Variants in ODR4 observed in about 807,000 individuals in gnomAD.
ODR4 encodes protein odr-4 homolog.
Under a neutral mutation model 60.2 loss-of-function variants are expected in ODR4, and 47 were observed. The ratio of observed to expected loss-of-function variants is 0.78; its 90% confidence interval spans 0.62 to 1.00. ODR4 has a LOEUF of 1.00. ODR4 is among the 50% of genes least tolerant of loss of function. The pLI, the probability that ODR4 is intolerant of heterozygous loss-of-function variation, is 0.00. For synonymous variants in ODR4, 178 were observed against 175.5 expected, an observed-to-expected ratio of 1.01 and a Z score of -0.11; for missense variants, 488 against 530.8, an observed-to-expected ratio of 0.92 and a Z score of 0.79.
chr1:186,395,327 A>G (rs544321528), intron 9 of ODR4, among the ~76,000 whole-genome samples: 2 of 152,156 alleles, frequency 1.3e-5, no homozygotes, highest in East Asian at 3.9e-4. Context: ...TCTCCTGACC[A>G]TATGATCCGC....
intron 11 of ODR4, chr1:186,399,294 C>T (rs767373962): frequency 6.3e-6 from 3 of 475,516 alleles, no homozygotes; most frequent in Non-Finnish European, 1.2e-5. Context: ...CAGCCTCAGC[C>T]TCTTGGGCTC....
intron 11 of ODR4, 77 bp downstream of exon 11, chr1:186,399,121 G>A (rs139434971): frequency 1.5e-5 from 14 of 908,598 alleles, no homozygotes; most frequent in Admixed American, 6.1e-5. Flanking sequence ...TAGCAGATAC[G>A]TCATCTTTTA....
At chr1:186,391,672 T>C in intron 7 of ODR4, 24 bp from the exon 8 acceptor site, 1 of 1,455,926 alleles carries the variant, frequency 6.9e-7, no homozygotes, top group Non-Finnish European at 9.5e-7. Context: ...ATCTGAAAGA[T>C]TTCCATGTTG....
chr1:186,404,592 G>T (rs375876498), intron 11 of ODR4, among the ~76,000 whole-genome samples: 26 of 152,102 alleles, frequency 1.7e-4, no homozygotes, highest in Admixed American at 3.3e-4. Flanking sequence ...GACAATTTTC[G>T]TGCTACAGTA....
chr1:186,407,499 T>A (rs1292245727), intron 12 of ODR4, among the ~76,000 whole-genome samples: 1 of 152,108 alleles, frequency 6.6e-6, no homozygotes, highest in African/African-American at 2.4e-5. Context: ...GTTGAATAGA[T>A]CTTATAATGT....
chr1:186,390,728 A>T lies in ODR4; in HGVS notation c.492A>T (p.Ala164=), dbSNP rs1156509001. The T allele has an allele frequency of 6.2e-7, 1 of 1,613,588 alleles. No individual in the cohort carries two copies. The highest frequency in any genetic ancestry group is 1.1e-5 in the South Asian group (1 of 91,066). Residue 164 remains alanine (A), a synonymous_variant, in exon 7 of 14, where the codon GCA becomes GCT. Transcript: ENST00000287859. ...IHDPKSSARP[A]DWKYQSGLSS... is the part of the protein sequence containing the mutation. Reference sequence around the variant, plus strand: ...ACTGCTAGAGTTCAGCAAGACCAGCAGATTGGAAGTATCAAAGTGGATTAT... The same window carrying T: ...ACTGCTAGAGTTCAGCAAGACCAGCTGATTGGAAGTATCAAAGTGGATTAT...
downstream of ODR4, among the ~76,000 whole-genome samples, chr1:186,422,929 G>A (rs980108317): frequency 1.3e-5 from 2 of 152,084 alleles, no homozygotes; most frequent in African/African-American, 2.4e-5. Flanking sequence ...AAGATGAAAC[G>A]GGACACAAAG....
At position 186,403,224 on chromosome 1, in the gene ODR4, A is replaced by G. The variant is rs183335529; in HGVS notation, c.1001-2859A>G. ...ATTGTAAGTGTGATAATATAAATAA[A>G]TGTAAATTCTTTAAAAAAATTTTTT... On this transcript the variant is annotated intron_variant, in intron 11 of 13. Transcript: ENST00000287859. 4.0e-3 allele frequency among the ~76,000 whole-genome samples: 613 copies of G among 152,218 alleles called. 9 individuals carry two copies. The highest frequency in any genetic ancestry group is 0.014 in the African/African-American group (596 of 41,556).
intron 12 of ODR4, among the ~76,000 whole-genome samples, chr1:186,409,957 C>T (rs544118813): frequency 6.6e-6 from 1 of 152,310 alleles, no homozygotes; most frequent in African/African-American, 2.4e-5. Context: ...CTCTTCTATG[C>T]TGTTCTTCTA....
intron 11 of ODR4, among the ~76,000 whole-genome samples, chr1:186,402,214 C>CTTTCTTTCTTTCTT (rs1461981227): frequency 1.2e-4 from 18 of 148,648 alleles, no homozygotes; most frequent in African/African-American, 3.0e-4. Flanking sequence ...TTCTTTCTTT[C>CTTTCTTTCTTTCTT]TTTCTTTCTT....
chr1:186,382,328 G>C (rs1660068873), intron 2 of ODR4, among the ~76,000 whole-genome samples: 1 of 151,466 alleles, frequency 6.6e-6, no homozygotes, highest in South Asian at 2.1e-4. Context: ...GAGACTACTT[G>C]GGGGGAGGAT....
chr1:186,402,520 C>T (rs1460449033), intron 11 of ODR4, among the ~76,000 whole-genome samples: 2 of 151,896 alleles, frequency 1.3e-5, no homozygotes, highest in Admixed American at 1.3e-4. Context: ...CTGCCTCAGC[C>T]TCCTGAGTAG....
Position 186,398,339 on chromosome 1 carries a change from A to G in ODR4, c.807A>G (p.Thr269=), listed in dbSNP as rs1185352497. 6.2e-6 allele frequency: 10 copies of G among 1,604,124 alleles called. No individual in the cohort carries two copies. In the South Asian group the frequency reaches 1.1e-4, roughly 18 times the overall value. The change falls in exon 10 of 14, where the codon ACA becomes ACG. Residue 269 remains threonine, a synonymous_variant. Coordinates refer to ENST00000287859, the MANE Select transcript of ODR4 (RefSeq NM_017847.6). The stretch of plus-strand genomic sequence containing the variant: ...TCCTGAATTCAGACCACAGATCCAC[A>G]GCCACAGTCCAGATATGTAGCGGTT... ...QLLLNSDHRS[T]ATVQICSGSV...
intron 11 of ODR4, among the ~76,000 whole-genome samples, chr1:186,404,716 T>C (rs1487013601): frequency 6.6e-6 from 1 of 152,198 alleles, no homozygotes; most frequent in Non-Finnish European, 1.5e-5. Flanking sequence ...AAGGAACACG[T>C]AGTTTAAGCC....
chr1:186,391,368 C>T (rs1263608289), intron 7 of ODR4, among the ~76,000 whole-genome samples: 1 of 140,118 alleles, frequency 7.1e-6, no homozygotes. Flanking sequence ...ATTTTTTAGA[C>T]TTATTTGATG....
chr1:186,429,675 A>G, the ODR4 span, among the ~76,000 whole-genome samples: 1 of 151,212 alleles, frequency 6.6e-6, no homozygotes, highest in South Asian at 2.1e-4. Context: ...CAATAGGTTC[A>G]TGACTATATC....
chr1:186,426,375 A>G (rs1441874897), downstream of ODR4, among the ~76,000 whole-genome samples: 1 of 152,162 alleles, frequency 6.6e-6, no homozygotes, highest in African/African-American at 2.4e-5. Context: ...TGGGGTATTC[A>G]ATTATCTAAA....
intron 11 of ODR4, among the ~76,000 whole-genome samples, chr1:186,404,600 G>A (rs1661105298): frequency 6.6e-6 from 1 of 152,176 alleles, no homozygotes; most frequent in South Asian, 2.1e-4. Context: ...TCGTGCTACA[G>A]TACAAATTGC....
chr1:186,401,758 G>A (rs1333236088), intron 11 of ODR4, among the ~76,000 whole-genome samples: 3 of 152,032 alleles, frequency 2.0e-5, no homozygotes, highest in Non-Finnish European at 4.4e-5. Flanking sequence ...CATTTGGTTT[G>A]CTAGTATTTT....
Sources: allele counts gnomAD v4.1 joint callset (sites outside exome capture counted in the v4.1 genomes callset), GRCh38; gene constraint gnomAD v4.1.1; transcripts MANE v1.5; gene names NCBI Gene and HGNC (gene_info 2026-07-23, HGNC 2026-07-21).